OR2L13: variants seen among roughly 807,000 people sequenced by gnomAD.
OR2L13 encodes olfactory receptor 2L13.
OR2L13 carries 14 observed loss-of-function variants against 15.3 expected under a neutral mutation model. The observed-to-expected ratio is 0.91, with a 90% confidence interval of 0.60 to 1.43. The LOEUF (loss-of-function observed/expected upper bound fraction) is 1.43, where lower values mean the gene tolerates loss of function less well. Ranked by LOEUF, OR2L13 falls within the 40% of genes most tolerant of loss-of-function variation. OR2L13 has a pLI of 0.00. For missense variants in OR2L13, 367 were observed against 387.9 expected (o/e 0.95, Z 0.45); for synonymous variants, 152 against 142.9 (o/e 1.06, Z -0.45).
the OR2L13 span, among the ~76,000 whole-genome samples, chr1:248,072,221 C>G: frequency 6.6e-6 from 1 of 152,144 alleles, no homozygotes; most frequent in Admixed American, 6.5e-5. Flanking sequence ...TACCTGACTT[C>G]AAACTATACT....
At chr1:248,016,881 C>G in the OR2L13 span, among the ~76,000 whole-genome samples, 24 of 152,064 alleles carry the variant, frequency 1.6e-4, no homozygotes, top group Admixed American at 8.5e-4. Flanking sequence ...ATTTTGTCAT[C>G]TATAAAATGT....
At chr1:248,086,690 A>C in the OR2L13 span, among the ~76,000 whole-genome samples, 1 of 152,038 alleles carries the variant, frequency 6.6e-6, no homozygotes, top group Non-Finnish European at 1.5e-5. Flanking sequence ...TCAGCAAATT[A>C]TAAGAATGTG....
chr1:248,072,333 G>A, the OR2L13 span, among the ~76,000 whole-genome samples: 2 of 151,856 alleles, frequency 1.3e-5, no homozygotes, highest in South Asian at 2.1e-4. Flanking sequence ...GCATATCTAT[G>A]GCTATCTGAT....
chr1:248,063,648 G>A, the OR2L13 span, among the ~76,000 whole-genome samples: 2 of 152,196 alleles, frequency 1.3e-5, no homozygotes, highest in African/African-American at 2.4e-5. Context: ...GCCAGGGAGA[G>A]CACCTCCTCT....
the OR2L13 span, among the ~76,000 whole-genome samples, chr1:247,980,085 A>G: frequency 3.3e-5 from 5 of 152,280 alleles, no homozygotes; most frequent in East Asian, 9.6e-4. Flanking sequence ...TTCAAGATAG[A>G]AGGCATAATT....
At chr1:248,002,240 T>G in the OR2L13 span, among the ~76,000 whole-genome samples, 1 of 152,164 alleles carries the variant, frequency 6.6e-6, no homozygotes, top group African/African-American at 2.4e-5. Context: ...TCAGTAAATT[T>G]AAGTGATTTT....
At chr1:248,092,789 C>T (rs1479878222), upstream of OR2L13, among the ~76,000 whole-genome samples, 2 of 152,008 alleles carry the variant, frequency 1.3e-5, no homozygotes, top group African/African-American at 4.8e-5. Context: ...CTACTGAAAC[C>T]CCTTGTCTAT....
the OR2L13 span, among the ~76,000 whole-genome samples, chr1:247,971,223 T>A: frequency 1.3e-5 from 2 of 152,188 alleles, no homozygotes; most frequent in Non-Finnish European, 2.9e-5. Context: ...ACTTTGCTTT[T>A]TTTTAGTCTG....
chr1:247,948,805 T>A, the OR2L13 span: 1 of 1,455,066 alleles, frequency 6.9e-7, no homozygotes, highest in Non-Finnish European at 9.4e-7. Context: ...GGCGAATTAC[T>A]GTACGTAAAT....
the OR2L13 span, chr1:247,990,334 G>A: frequency 6.9e-7 from 1 of 1,451,370 alleles, no homozygotes; most frequent in Non-Finnish European, 9.7e-7. Flanking sequence ...CCAAAAATTG[G>A]CCATTTCATC....
the OR2L13 span, among the ~76,000 whole-genome samples, chr1:248,070,384 A>G: frequency 6.6e-6 from 1 of 152,178 alleles, no homozygotes; most frequent in Non-Finnish European, 1.5e-5. Context: ...TACTGGGTAC[A>G]TAACGAAATG....
chr1:248,004,524 C>G, the OR2L13 span, among the ~76,000 whole-genome samples: 2 of 152,120 alleles, frequency 1.3e-5, no homozygotes, highest in Non-Finnish European at 2.9e-5. Context: ...ACTTAACGTA[C>G]CAGTTACTGT....
At chr1:247,983,959 G>T in the OR2L13 span, among the ~76,000 whole-genome samples, 3 of 152,142 alleles carry the variant, frequency 2.0e-5, no homozygotes, top group Non-Finnish European at 4.4e-5. Flanking sequence ...GAGATGGGGG[G>T]TCCAGTGATT....
the OR2L13 span, chr1:247,990,876 C>A: frequency 6.6e-7 from 1 of 1,511,372 alleles, no homozygotes; most frequent in Admixed American, 1.7e-5. Flanking sequence ...TGAGCACCAC[C>A]ATTTTTCTTG....
At chr1:248,089,659 A>G in the OR2L13 span, among the ~76,000 whole-genome samples, 1 of 152,206 alleles carries the variant, frequency 6.6e-6, no homozygotes, top group Admixed American at 6.5e-5. Flanking sequence ...TATAAAAACT[A>G]GAGATAACAG....
At chr1:247,943,899 T>G in the OR2L13 span, among the ~76,000 whole-genome samples, 986 of 152,304 alleles carry the variant, frequency 6.5e-3, 14 homozygotes, top group African/African-American at 0.022. Flanking sequence ...ATATCTTGAA[T>G]GTAAATATCC....
chr1:248,038,418 G>T, the OR2L13 span: 1 of 1,613,474 alleles, frequency 6.2e-7, no homozygotes, highest in Non-Finnish European at 8.5e-7. Context: ...CATCTTTTTG[G>T]ACATCCATCT....
At chr1:247,949,518 C>A in the OR2L13 span, 1 of 1,614,062 alleles carries the variant, frequency 6.2e-7, no homozygotes, top group Non-Finnish European at 8.5e-7. Flanking sequence ...TGGCCAGGTT[C>A]TCTTTGCTGT....
At chr1:247,979,504 T>C in the OR2L13 span, among the ~76,000 whole-genome samples, 7 of 152,136 alleles carry the variant, frequency 4.6e-5, no homozygotes, top group East Asian at 1.9e-4. Flanking sequence ...TCCTTTTTTA[T>C]AGCTGTATAG....
Sources: allele counts gnomAD v4.1 joint callset (sites outside exome capture counted in the v4.1 genomes callset), GRCh38; gene constraint gnomAD v4.1.1; transcripts MANE v1.5; gene names NCBI Gene and HGNC (gene_info 2026-07-23, HGNC 2026-07-21).